Variants in ACAD9 observed in about 807,000 individuals in gnomAD.
The protein encoded by ACAD9 is acyl-CoA dehydrogenase family member 9.
A neutral mutation model predicts 70.2 loss-of-function variants in ACAD9; 53 were observed. The ratio of observed to expected loss-of-function variants is 0.75; its 90% CI spans 0.61 to 0.95. The LOEUF (loss-of-function observed/expected upper bound fraction) is 0.95. Ranked by LOEUF, ACAD9 falls within the 40% of genes least tolerant of loss-of-function variation. ACAD9 has a pLI of 0.00. For missense variants in ACAD9, 777 were observed against 802.8 expected (o/e 0.97, Z 0.39); for synonymous variants, 313 against 312.1 (o/e 1.00, Z -0.03).
chr3:128,907,095 G>A (rs1013291224), intron 12 of ACAD9, among the ~76,000 whole-genome samples: 1 of 152,128 alleles, frequency 6.6e-6, no homozygotes, highest in Non-Finnish European at 1.5e-5. Flanking sequence ...GGATATGATG[G>A]TGGGCATGGG....
At chr3:128,885,256 C>T (rs796740207) in intron 2 of ACAD9, among the ~76,000 whole-genome samples, 52 of 152,356 alleles carry the variant, frequency 3.4e-4, no homozygotes, top group African/African-American at 1.2e-3. Context: ...GCCGGTCCTC[C>T]AGCCAGGGCC....
chr3:128,899,153 C>T (rs1351806886), intron 6 of ACAD9, 134 bp from the exon 7 acceptor site: 4 of 869,536 alleles, frequency 4.6e-6, no homozygotes, highest in South Asian at 3.2e-5. Context: ...GCTTGGTTGG[C>T]TTCTGCAGAG....
Position 128,912,662 on chromosome 3 carries a change from G to A in ACAD9, c.*55G>A. ...CGCCCCTACCCATGGCCCGTTGCTG[G>A]ATGACTGTTACTCTTTTTTCAGAAG... is the stretch of plus-strand genomic sequence containing the variant. On this transcript the variant is annotated 3_prime_UTR_variant, in exon 18 of 18. Coordinates refer to ENST00000308982, the MANE Select transcript of ACAD9 (RefSeq NM_014049.5). 7.0e-7 allele frequency: 1 copy of A among 1,422,242 alleles called. No individual in the cohort carries two copies. The highest frequency in any genetic ancestry group is 2.3e-5 in the East Asian group (1 of 43,968). The allele number at this position is 1,422,242 out of a possible 1,614,324, so 88.1% of individuals were successfully genotyped here.
chr3:128,884,594 T>G (rs1184868179), intron 1 of ACAD9, 59 bp from the exon 2 acceptor site: 1 of 1,279,314 alleles, frequency 7.8e-7, no homozygotes, highest in Non-Finnish European at 1.1e-6. Flanking sequence ...TTAACTGATA[T>G]TTCCGTGATG....
Position 128,886,647 on chromosome 3 carries a change from G to A in ACAD9, c.244+1901G>A, listed in dbSNP as rs145128003. ...CGCTGGAACCTGGGAGGCGGAGGTT[G>A]CGGTGAGCCGAGATCGCGCCACTGC... On this transcript the variant is annotated intron_variant, in intron 2 of 17. Coordinates refer to ENST00000308982, the MANE Select transcript of ACAD9 (RefSeq NM_014049.5). Among the ~76,000 whole-genome samples the A allele has an allele frequency of 3.7e-3, 518 of 138,406 alleles. 5 individuals carry two copies. The highest frequency in any genetic ancestry group is 0.015 in the African/African-American group (497 of 33,512). 90.8% of individuals were successfully genotyped at this position (138,406 alleles called of 152,430 possible). A position where few individuals can be genotyped will look rare whatever the true frequency, so the allele number is the denominator to read the frequency against.
intron 9 of ACAD9, among the ~76,000 whole-genome samples, chr3:128,903,089 T>G (rs1463012834): frequency 6.6e-6 from 1 of 152,154 alleles, no homozygotes; most frequent in Non-Finnish European, 1.5e-5. Flanking sequence ...CCTGGGCCCC[T>G]GGATCTTACC....
chr3:128,883,608 G>T (rs924872668), intron 1 of ACAD9, among the ~76,000 whole-genome samples: 6 of 151,840 alleles, frequency 4.0e-5, no homozygotes, highest in Admixed American at 3.9e-4. Flanking sequence ...CGCCCGCCTC[G>T]GCCTCCCAAA....
intron 6 of ACAD9, among the ~76,000 whole-genome samples, chr3:128,899,083 C>T (rs1935654364): frequency 6.6e-6 from 1 of 151,980 alleles, no homozygotes; most frequent in Non-Finnish European, 1.5e-5. Flanking sequence ...CCATCCATGT[C>T]CCTTGGGAAA....
At chr3:128,909,486 T>C (rs892830811) in intron 15 of ACAD9, 65 bp downstream of exon 15, 1 of 1,504,942 alleles carries the variant, frequency 6.6e-7, no homozygotes, top group African/African-American at 1.4e-5. Context: ...TTCATGAGAC[T>C]ACTTTTTGTC....
chr3:128,905,532 C>T (rs1217449595), intron 11 of ACAD9, among the ~76,000 whole-genome samples: 1 of 152,110 alleles, frequency 6.6e-6, no homozygotes, highest in Non-Finnish European at 1.5e-5. Flanking sequence ...AGGTTGGGAT[C>T]CTGAAGTGGC....
chr3:128,895,233 A>G (rs1210612018), intron 3 of ACAD9, 77 bp from the exon 4 acceptor site: 24 of 940,828 alleles, frequency 2.6e-5, no homozygotes, highest in Admixed American at 1.7e-4. Flanking sequence ...TAATCAGAAG[A>G]AAAAAAAAAG....
intron 8 of ACAD9, 130 bp downstream of exon 8, chr3:128,901,479 G>T: frequency 9.2e-7 from 1 of 1,083,872 alleles, no homozygotes; most frequent in South Asian, 1.3e-5. Context: ...ATGGTTATCT[G>T]TTGGGAAATT....
rs573213220 is a variant in ACAD9 at position 128,905,996 on chromosome 3, C to T, written c.1150-125C>T. On this transcript the variant is annotated intron_variant, in intron 11 of 17. Transcript: ENST00000308982. ...GAAGGCAAAGGACTTGACCACATCA[C>T]CCCTCAAGTTCCTCCCTGGCCGATC... is the stretch of plus-strand genomic sequence containing the variant. 8 of 1,296,824 alleles carry T rather than the reference C, an allele frequency of 6.2e-6. No homozygotes were observed. The Admixed American group carries it at 1.2e-4, about 20-fold the overall frequency. 80.3% of individuals were successfully genotyped at this position (1,296,824 alleles called of 1,614,324 possible).
rs554788109 is a variant in ACAD9, at chr3:128,896,758, T to G, written c.554+222T>G. On this transcript the variant is annotated intron_variant, in intron 5 of 17. Transcript: ENST00000308982. ...GAGATACCACGCTTGACAGCACTTA[T>G]TAAATAAATTTTTGTGGTTTACAAC... Among the ~76,000 whole-genome samples the G allele has an allele frequency of 9.8e-5, 15 of 152,366 alleles. No individual in the cohort carries two copies. In the South Asian group the frequency reaches 3.1e-3, roughly 32 times the overall value.
intron 3 of ACAD9, among the ~76,000 whole-genome samples, chr3:128,894,518 G>A (rs768262281): frequency 9.2e-5 from 14 of 151,476 alleles, no homozygotes; most frequent in Non-Finnish European, 1.9e-4. Flanking sequence ...GCTTTCTGAG[G>A]CACAAGATTG....
rs1430649664 is a variant in ACAD9 at position 128,902,342 on chromosome 3, G to C, written c.883-211G>C. Among the ~76,000 whole-genome samples the C allele has an allele frequency of 6.6e-6, 1 of 152,184 alleles. No individual in the cohort carries two copies. The highest frequency in any genetic ancestry group is 2.4e-5 in the African/African-American group (1 of 41,444). On this transcript the variant is annotated intron_variant, in intron 8 of 17. Coordinates refer to ENST00000308982, the MANE Select transcript of ACAD9 (RefSeq NM_014049.5). The surrounding 1 kb of genome is among the most constrained non-coding windows in gnomAD (Gnocchi z 4.0). ...GTGGGAGCCACCATGCCCAGCTCTG[G>C]CATGGTCCTTTGGAATAACGTTCAG...
chr3:128,899,416 A>C lies in ACAD9; in HGVS notation c.763A>C (p.Thr255Pro). 1.2e-5 allele frequency: 19 copies of C among 1,614,266 alleles called. No individual in the cohort carries two copies. Among genetic ancestry groups the C allele is most frequent in the Non-Finnish European group, 1.6e-5 (19 of 1,180,046 alleles). Residue 255 changes from threonine to proline, a missense_variant, in exon 7 of 18, where the codon ACT becomes CCT. Thr to Pro is a conservative substitution (Grantham distance 38, BLOSUM62 -1). Transcript: ENST00000308982. Reference sequence around the variant, plus strand: ...AGTAGAAAGAGACTTTGGTGGAGTCACTAATGGGAAACCCGAAGATAAATT... The same window carrying C: ...AGTAGAAAGAGACTTTGGTGGAGTCCCTAATGGGAAACCCGAAGATAAATT... ...FIVERDFGGVTNGKPEDKLGI... is the reference protein window; with the variant it reads ...FIVERDFGGVPNGKPEDKLGI...
intron 1 of ACAD9, among the ~76,000 whole-genome samples, chr3:128,881,224 T>C (rs1183812367): frequency 6.6e-6 from 1 of 152,230 alleles, no homozygotes; most frequent in Non-Finnish European, 1.5e-5. Flanking sequence ...AGTGTGGTGC[T>C]CTATCCTGGG....
chr3:128,888,138 AT>A (rs1481201053), intron 2 of ACAD9, among the ~76,000 whole-genome samples: 1 of 152,202 alleles, frequency 6.6e-6, no homozygotes. Flanking sequence ...CTTGATCAAG[AT>A]TTATTCATAT....
Sources: allele counts gnomAD v4.1 joint callset (sites outside exome capture counted in the v4.1 genomes callset), GRCh38; gene constraint gnomAD v4.1.1; non-coding constraint Gnocchi (gnomAD v3.1); transcripts MANE v1.5; gene names NCBI Gene and HGNC (gene_info 2026-07-23, HGNC 2026-07-21).